Variants in KANSL1 observed in about 807,000 individuals in gnomAD.
KANSL1 encodes MLL1/MLL complex subunit KANSL1.
A neutral mutation model predicts 103.6 loss-of-function variants in KANSL1; 22 were observed. The observed-to-expected ratio is 0.21, with a 90% CI of 0.15 to 0.30. The LOEUF is 0.30. Ranked by LOEUF, KANSL1 falls within the 10% of genes least tolerant of loss-of-function variation. The pLI is 1.00. For missense variants in KANSL1, 1,337 were observed against 1,399.8 expected, an observed-to-expected ratio of 0.96 and a Z score of 0.72; for synonymous variants, 600 against 527.6, an observed-to-expected ratio of 1.14 and a Z score of -1.88.
In KANSL1 at chr17:46,172,169, G is replaced by A; in HGVS notation, c.-26C>T. On this transcript the variant is annotated 5_prime_UTR_variant, in exon 2 of 15. Transcript: ENST00000432791. Reference sequence around the variant, plus strand: ...TCAGCACAGAGAGACAGGAAGTCCAGCCTCTCCCGATGCCGAGGCCGAGGC... The same window carrying A: ...TCAGCACAGAGAGACAGGAAGTCCAACCTCTCCCGATGCCGAGGCCGAGGC... 2 of 1,593,550 alleles carry A rather than the reference G, an allele frequency of 1.3e-6. No homozygotes were observed. The highest frequency in any genetic ancestry group is 1.3e-5 in the African/African-American group (1 of 74,738).
At chr17:46,073,896 C>T (rs2078665456) in intron 4 of KANSL1, among the ~76,000 whole-genome samples, 1 of 151,858 alleles carries the variant, frequency 6.6e-6, no homozygotes, top group African/African-American at 2.4e-5. Flanking sequence ...TAGGATTAAA[C>T]GAGTATCAAT....
chr17:46,037,549 G>A (rs1361515995), intron 10 of KANSL1: 1 of 152,232 alleles, frequency 6.6e-6, no homozygotes, highest in Non-Finnish European at 1.5e-5. Flanking sequence ...AATGGTAAAA[G>A]AGCTGGCTCT....
intron 1 of KANSL1, among the ~76,000 whole-genome samples, chr17:46,208,392 G>C (rs1049641655): frequency 1.3e-5 from 2 of 151,828 alleles, no homozygotes; most frequent in African/African-American, 2.4e-5. Flanking sequence ...CCACAGCATC[G>C]CTTGAGCTCA....
At chr17:46,111,304 G>C (rs967498852) in intron 2 of KANSL1, among the ~76,000 whole-genome samples, 1 of 147,578 alleles carries the variant, frequency 6.8e-6, no homozygotes, top group Non-Finnish European at 1.5e-5. Flanking sequence ...TCCGCCTCCC[G>C]GGCAAGCCAT....
Position 46,050,624 on chromosome 17 carries a change from G to A in KANSL1, c.1929C>T (p.Thr643=), listed in dbSNP as rs937831873. The change falls in exon 7 of 15, where the codon ACC becomes ACT. Residue 643 remains threonine (T), a synonymous_variant. Transcript: ENST00000432791. Reference sequence around the variant, plus strand: ...CTTCATAGTGAATTTCGGGAGGCATGGTGTTGATGCTGCCTGAACCACACA... The same window carrying A: ...CTTCATAGTGAATTTCGGGAGGCATAGTGTTGATGCTGCCTGAACCACACA... The part of the protein sequence containing the change: ...CALCGSGSIN[T]MPPEIHYEAP... 6 of 1,614,058 alleles carry A rather than the reference G, an allele frequency of 3.7e-6. No homozygotes were observed. Among genetic ancestry groups the A allele is most frequent in the Non-Finnish European group, 4.2e-6 (5 of 1,180,030 alleles).
chr17:46,125,959 T>C (rs1321445064), intron 2 of KANSL1, among the ~76,000 whole-genome samples: 1 of 152,168 alleles, frequency 6.6e-6, no homozygotes, highest in African/African-American at 2.4e-5. Context: ...ATAAAGCAAA[T>C]ATTGTTATTT....
intron 1 of KANSL1, among the ~76,000 whole-genome samples, chr17:46,173,593 T>C (rs932318398): frequency 6.6e-6 from 1 of 152,234 alleles, no homozygotes; most frequent in Non-Finnish European, 1.5e-5. Flanking sequence ...GGTATTTTCA[T>C]AGCAATACTA....
At position 46,171,791 on chromosome 17, in the gene KANSL1, T is replaced by C. The variant is rs781582912; in HGVS notation, c.353A>G (p.Tyr118Cys). ...CCCCAACAGCTCAGCTCGGAGTTCA[T>C]AGGACTGAGATAAGAGAGGATGAGA... ...LKSHPLLSQSYELRAELLGRQ... is the reference protein window; with the variant it reads ...LKSHPLLSQSCELRAELLGRQ... Residue 118 changes from tyrosine to cysteine, a missense_variant, in exon 2 of 15, where the codon TAT becomes TGT. Tyr to Cys is a radical substitution (Grantham distance 194). This residue lies in a region of KANSL1 where 557 missense variants were observed against 476.4 expected (regional missense o/e 1.17). Coordinates refer to ENST00000432791, the MANE Select transcript of KANSL1 (RefSeq NM_015443.4). The C allele has an allele frequency of 1.5e-5, 24 of 1,613,038 alleles. No individual in the cohort carries two copies. Among genetic ancestry groups the C allele is most frequent in the Admixed American group, 6.7e-5 (4 of 59,800 alleles).
chr17:46,217,254 C>A (rs1156611642), intron 1 of KANSL1, among the ~76,000 whole-genome samples: 2 of 151,430 alleles, frequency 1.3e-5, no homozygotes, highest in Non-Finnish European at 2.9e-5. Flanking sequence ...GGTGGGTGGA[C>A]CACTTGAGGT....
chr17:46,208,246 G>A (rs1342411541), intron 1 of KANSL1, among the ~76,000 whole-genome samples: 1 of 152,174 alleles, frequency 6.6e-6, no homozygotes, highest in African/African-American at 2.4e-5. Flanking sequence ...TGTAGGTGTT[G>A]AGGGTCTTGT....
In KANSL1 at chr17:46,192,901, G is replaced by A. The variant is rs994916303; in HGVS notation, c.-168C>T. Reference sequence around the variant, plus strand: ...GTTTGCAAACAGCCCCCCGGCCTGGGCGCCGAGGGCCAGCGGCGGGCGGGG... The same window carrying A: ...GTTTGCAAACAGCCCCCCGGCCTGGACGCCGAGGGCCAGCGGCGGGCGGGG... On this transcript the variant is annotated 5_prime_UTR_variant, in exon 1 of 15. Transcript: ENST00000432791. The A allele has an allele frequency of 1.3e-5, 2 of 152,286 alleles. No homozygotes were observed. The highest frequency in any genetic ancestry group is 2.4e-5 in the African/African-American group (1 of 41,320). 9.4% of individuals were successfully genotyped at this position (152,286 alleles called of 1,614,324 possible).
chr17:46,160,500 C>T (rs1008600399), intron 2 of KANSL1, among the ~76,000 whole-genome samples: 4 of 152,120 alleles, frequency 2.6e-5, no homozygotes, highest in African/African-American at 9.7e-5. Context: ...CGCCATGTTA[C>T]CCAGGCTGCT....
intron 3 of KANSL1, among the ~76,000 whole-genome samples, chr17:46,085,527 T>C (rs2079131586): frequency 6.6e-6 from 1 of 152,212 alleles, no homozygotes; most frequent in Non-Finnish European, 1.5e-5. Context: ...TCAAGCTCTG[T>C]CACCTGTGCT....
intron 7 of KANSL1, among the ~76,000 whole-genome samples, chr17:46,047,046 GT>G (rs1289022335): frequency 2.6e-5 from 4 of 152,168 alleles, no homozygotes; most frequent in Non-Finnish European, 2.9e-5. Flanking sequence ...TTGTGTTCAA[GT>G]TTATTTATTG....
At position 46,172,065 on chromosome 17, in the gene KANSL1, A is replaced by G; in HGVS notation, c.79T>C (p.Ser27Pro). 6.2e-7 allele frequency: 1 copy of G among 1,614,008 alleles called. No individual in the cohort carries two copies. Among genetic ancestry groups the G allele is most frequent in the Non-Finnish European group, 8.5e-7 (1 of 1,180,052 alleles). Residue 27 changes from serine to proline, a missense_variant, in exon 2 of 15, where the codon TCT becomes CCT. Physicochemically the swap from Ser to Pro is moderately conservative, Grantham distance 74. Coordinates refer to ENST00000432791, the MANE Select transcript of KANSL1 (RefSeq NM_015443.4). The part of the protein sequence containing the change: ...HIRFKLAPPS[S>P]TLSPGSAENN... Reference sequence around the variant, plus strand: ...TCGGCACTGCCAGGGGACAAGGTAGAGGATGGGGGAGCCAGTTTGAACCGG... The same window carrying G: ...TCGGCACTGCCAGGGGACAAGGTAGGGGATGGGGGAGCCAGTTTGAACCGG...
intron 4 of KANSL1, among the ~76,000 whole-genome samples, chr17:46,074,234 T>C (rs938490084): frequency 2.6e-5 from 4 of 152,112 alleles, no homozygotes; most frequent in African/African-American, 9.7e-5. Context: ...CAGGAGCCAA[T>C]CTGAAAGAGC....
chr17:46,140,892 G>A (rs192499645), intron 2 of KANSL1, among the ~76,000 whole-genome samples: 47 of 152,292 alleles, frequency 3.1e-4, no homozygotes, highest in Middle Eastern at 3.4e-3. Context: ...CAAGAATGTG[G>A]AGAGAATGGA....
chr17:46,086,052 T>C (rs1457861648), intron 3 of KANSL1, among the ~76,000 whole-genome samples: 2 of 152,254 alleles, frequency 1.3e-5, no homozygotes, highest in South Asian at 2.1e-4. Context: ...ATTTGTTGAG[T>C]TGTATAATTT....
chr17:46,083,538 C>G (rs2079055044), intron 3 of KANSL1, among the ~76,000 whole-genome samples: 1 of 152,056 alleles, frequency 6.6e-6, no homozygotes. Context: ...GGAAGGGAGG[C>G]AGGACATGGT....
Sources: gnomAD v4.1 joint callset for allele counts (sites outside exome capture counted in the v4.1 genomes callset) on GRCh38, gnomAD v4.1.1 for gene constraint, gnomAD v4.1.1 regional missense constraint, MANE v1.5 for transcripts, NCBI Gene and HGNC (gene_info 2026-07-23, HGNC 2026-07-21) for gene names.